The following SYN2 variants were observed in gnomAD, a reference collection of about 807,000 sequenced individuals.
SYN2 encodes synapsin II, also known as synapsin-2.
In SYN2, 19 loss-of-function variants were observed where a neutral mutation model predicts 50.9. The ratio of observed to expected loss-of-function variants is 0.37; its 90% CI spans 0.26 to 0.55. SYN2 has a LOEUF of 0.55. Among genes scored for constraint, SYN2 ranks in the 20% least tolerant of loss-of-function variants. The pLI is 0.81. For synonymous variants in SYN2, 255 were observed against 224.9 expected (o/e 1.13, Z -1.20); for missense variants, 587 against 576.4 (o/e 1.02, Z -0.19).
At chr3:12,009,654 C>T (rs560007568) in intron 1 of SYN2, among the ~76,000 whole-genome samples, 2 of 152,258 alleles carry the variant, frequency 1.3e-5, no homozygotes, top group South Asian at 2.1e-4. Context: ...CTGTTTGTGT[C>T]GGCTTCTTTT....
intron 1 of SYN2, among the ~76,000 whole-genome samples, chr3:12,035,903 G>A (rs1559394048): frequency 6.6e-6 from 1 of 152,222 alleles, no homozygotes; most frequent in African/African-American, 2.4e-5. Context: ...GAGGGTCCAG[G>A]TTTTTTTGAA....
chr3:12,090,653 C>A (rs1695806980), intron 1 of SYN2, among the ~76,000 whole-genome samples: 1 of 152,178 alleles, frequency 6.6e-6, no homozygotes, highest in South Asian at 2.1e-4. Context: ...AACAGGAAGT[C>A]ATCTGTAATG....
chr3:12,035,210 G>A (rs1310273305), intron 1 of SYN2, among the ~76,000 whole-genome samples: 1 of 152,168 alleles, frequency 6.6e-6, no homozygotes, highest in African/African-American at 2.4e-5. Flanking sequence ...CCCATCTTCG[G>A]GTCACTCTGG....
chr3:12,072,533 T>G (rs1186255477), intron 1 of SYN2, among the ~76,000 whole-genome samples: 1 of 152,220 alleles, frequency 6.6e-6, no homozygotes, highest in Non-Finnish European at 1.5e-5. Flanking sequence ...ATTCATTATT[T>G]TGGATATCGA....
intron 7 of SYN2, among the ~76,000 whole-genome samples, chr3:12,163,874 C>T (rs941018665): frequency 2.0e-5 from 3 of 151,990 alleles, no homozygotes; most frequent in Admixed American, 2.0e-4. Flanking sequence ...CCTAGGAGTT[C>T]AAGACCAACC....
At chr3:12,118,518 T>C (rs1036199690) in intron 1 of SYN2, among the ~76,000 whole-genome samples, 2 of 152,240 alleles carry the variant, frequency 1.3e-5, no homozygotes, top group African/African-American at 4.8e-5. Flanking sequence ...CCCTGTTTTG[T>C]GATGAAACAG....
chr3:12,139,416 C>A, intron 1 of SYN2, among the ~76,000 whole-genome samples: 1 of 152,130 alleles, frequency 6.6e-6, no homozygotes, highest in East Asian at 1.9e-4. Flanking sequence ...GAGAATAGAT[C>A]ACCAGGGGGA....
At chr3:12,183,769 A>G (rs1698277195) in intron 11 of SYN2, 2 of 1,110,686 alleles carry the variant, frequency 1.8e-6, no homozygotes, top group South Asian at 2.3e-5. Flanking sequence ...AAAGTAATAT[A>G]TAATGTGGGG....
chr3:12,015,154 T>G (rs1028676646), intron 1 of SYN2, among the ~76,000 whole-genome samples: 1 of 152,224 alleles, frequency 6.6e-6, no homozygotes, highest in South Asian at 2.1e-4. Context: ...TCTTCTCCTG[T>G]GTCTTTACCT....
At chr3:12,063,956 T>C (rs994347746) in intron 1 of SYN2, among the ~76,000 whole-genome samples, 42 of 151,528 alleles carry the variant, frequency 2.8e-4, no homozygotes, top group Admixed American at 2.7e-3. Context: ...CATAGTGCCA[T>C]CCTTTCAAAG....
At chr3:12,023,773 G>A (rs1330185357) in intron 1 of SYN2, among the ~76,000 whole-genome samples, 1 of 152,148 alleles carries the variant, frequency 6.6e-6, no homozygotes, top group East Asian at 1.9e-4. Flanking sequence ...TGGGGGGCAT[G>A]GGTGGAGAAC....
intron 1 of SYN2, among the ~76,000 whole-genome samples, chr3:12,061,287 G>T (rs1371913064): frequency 6.6e-6 from 1 of 152,068 alleles, no homozygotes; most frequent in African/African-American, 2.4e-5. Context: ...AAGAACAGAA[G>T]AAATATATGG....
intron 1 of SYN2, among the ~76,000 whole-genome samples, chr3:12,023,434 C>T (rs549024797): frequency 6.6e-6 from 1 of 151,870 alleles, no homozygotes; most frequent in African/African-American, 2.4e-5. Context: ...TGTAAGACTT[C>T]TTTAGCTTTT....
chr3:12,096,001 C>T (rs904863918), intron 1 of SYN2, among the ~76,000 whole-genome samples: 1 of 152,192 alleles, frequency 6.6e-6, no homozygotes, highest in Non-Finnish European at 1.5e-5. Flanking sequence ...CTTCCCAGCA[C>T]TTCCTTTCCA....
chr3:12,168,550 T>A, intron 9 of SYN2, 72 bp downstream of exon 9: 1 of 1,235,922 alleles, frequency 8.1e-7, no homozygotes, highest in Non-Finnish European at 1.2e-6. Context: ...AGACTGCCTT[T>A]AATTTGGAGT....
At chr3:12,023,578 G>A (rs571406753) in intron 1 of SYN2, among the ~76,000 whole-genome samples, 1 of 152,312 alleles carries the variant, frequency 6.6e-6, no homozygotes, top group Non-Finnish European at 1.5e-5. Context: ...AGATGAGGAG[G>A]AATTATGAGT....
At chr3:12,050,847 T>A (rs1242676896) in intron 1 of SYN2, among the ~76,000 whole-genome samples, 1 of 147,462 alleles carries the variant, frequency 6.8e-6, no homozygotes, top group Non-Finnish European at 1.5e-5. Flanking sequence ...GCCATTCTCC[T>A]GCCTCAGCCT....
chr3:12,094,887 T>A (rs1166358951), intron 1 of SYN2, among the ~76,000 whole-genome samples: 1 of 152,096 alleles, frequency 6.6e-6, no homozygotes, highest in Non-Finnish European at 1.5e-5. Flanking sequence ...AAGGGAAATA[T>A]TGAGTTTAAT....
chr3:12,024,883 G>T (rs1373734616), intron 1 of SYN2, among the ~76,000 whole-genome samples: 1 of 152,178 alleles, frequency 6.6e-6, no homozygotes, highest in African/African-American at 2.4e-5. Context: ...GATTGTACCA[G>T]TTTACACTCC....
Sources: allele counts gnomAD v4.1 joint callset (sites outside exome capture counted in the v4.1 genomes callset), GRCh38; gene constraint gnomAD v4.1.1; transcripts MANE v1.5; gene names NCBI Gene and HGNC (gene_info 2026-07-23, HGNC 2026-07-21).